Variants in JAK3 observed in about 807,000 individuals in gnomAD.
The protein encoded by JAK3 is Janus kinase 3.
A neutral mutation model predicts 120.8 loss-of-function variants in JAK3; 88 were observed. The observed-to-expected ratio is 0.73, with a 90% CI of 0.61 to 0.87. The LOEUF (loss-of-function observed/expected upper bound fraction) is 0.87, where lower values mean the gene tolerates loss of function less well. Ranked by LOEUF, JAK3 falls within the 40% of genes least tolerant of loss-of-function variation. The pLI is 0.00. For missense variants in JAK3, 1,254 were observed against 1,501.4 expected (o/e 0.84, Z 2.72); for synonymous variants, 592 against 628.6 (o/e 0.94, Z 0.87).
At chr19:17,830,059 C>G in intron 23 of JAK3, 49 bp downstream of exon 23, 3 of 1,400,350 alleles carry the variant, frequency 2.1e-6, no homozygotes, top group Non-Finnish European at 3.0e-6. Context: ...CCCGAGACCC[C>G]GGCCCAATCT....
At position 17,831,565 on chromosome 19, in the gene JAK3, G is replaced by A. The variant is rs1045610119; in HGVS notation, c.2805+109C>T. 7 of 1,504,654 alleles carry A rather than the reference G, an allele frequency of 4.7e-6. No individual in the cohort carries two copies. Among genetic ancestry groups the A allele is most frequent in the Non-Finnish European group, 6.2e-6 (7 of 1,121,068 alleles). The allele number at this position is 1,504,654 out of a possible 1,614,324, so 93.2% of individuals were successfully genotyped here. On this transcript the variant is annotated intron_variant, in intron 20 of 23. Transcript: ENST00000458235. This position sits in a 1 kb window ranked among gnomAD's most constrained non-coding sequence, Gnocchi z 5.1. ...GCCCTAAGCCAACCCCACCACTCCC[G>A]AGACCTGGACCCCAAACCACTCCTC...
At position 17,835,160 on chromosome 19, in the gene JAK3, C is replaced by A. The variant is rs758959409; in HGVS notation, c.1970G>T (p.Arg657Leu). The A allele has an allele frequency of 6.2e-7, 1 of 1,614,228 alleles. No homozygotes were observed. The highest frequency in any genetic ancestry group is 8.5e-7 in the Non-Finnish European group (1 of 1,180,046). The part of the protein sequence containing the change: ...NVSARKVLLA[R>L]EGADGSPPFI... The stretch of plus-strand genomic sequence containing the variant: ...GGGCGGGCTCCCATCAGCCCCCTCC[C>A]GAGCCAGGAGCACCTTCCGGGCAGA... The change falls in exon 15 of 24, where the codon CGG (arginine) becomes CTG (leucine). Residue 657 changes from arginine (R) to leucine (L), a missense_variant. By Grantham distance (102) the Arg-to-Leu change is moderately radical. Coordinates refer to ENST00000458235, the MANE Select transcript of JAK3 (RefSeq NM_000215.4).
At chr19:17,839,738 CTTTTTTTTTTTTTTT>C in intron 9 of JAK3, 75 bp from the exon 10 acceptor site, 2 of 795,748 alleles carry the variant, frequency 2.5e-6, no homozygotes, top group Non-Finnish European at 3.8e-6. Context: ...CCTTTTTTTT[CTTTTTTTTTTTTTTT>C]TTTTGGAGAC....
At position 17,844,159 on chromosome 19, in the gene JAK3, C is replaced by A. The variant is rs749920744; in HGVS notation, c.184+75G>T. ...CTCCGATGCTGACTTCTGCAGGCAA[C>A]TATTCCAGCTTCCAATCTTGGCCCC... is the stretch of plus-strand genomic sequence containing the variant. On this transcript the variant is annotated intron_variant, in intron 2 of 23. Transcript: ENST00000458235. 3 of 1,448,938 alleles carry A rather than the reference C, an allele frequency of 2.1e-6. No homozygotes were observed. The East Asian group carries it at 7.4e-5, about 36-fold the overall frequency. 89.8% of individuals were successfully genotyped at this position (1,448,938 alleles called of 1,614,324 possible). A position where few individuals can be genotyped will look rare whatever the true frequency, so the allele number is the denominator to read the frequency against.
At chr19:17,837,279 T>G in intron 12 of JAK3, 66 bp from the exon 13 acceptor site, 1 of 1,338,140 alleles carries the variant, frequency 7.5e-7, no homozygotes, top group Non-Finnish European at 1.0e-6. Context: ...CCAAATTTTG[T>G]GCTCACAGAC....
chr19:17,840,462 C>G lies in JAK3; in HGVS notation c.1143-121G>C, dbSNP rs1037104552. 5.6e-6 allele frequency: 4 copies of G among 716,444 alleles called. No homozygotes were observed. In the Admixed American group the frequency reaches 6.6e-5, roughly 12 times the overall value. The allele number at this position is 716,444 out of a possible 1,614,324, so 44.4% of individuals were successfully genotyped here. A position where few individuals can be genotyped will look rare whatever the true frequency, so the allele number is the denominator to read the frequency against. On this transcript the variant is annotated intron_variant, in intron 8 of 23. Transcript: ENST00000458235. ...TCCTTGCCAGGTGACACCCTCCCCC[C>G]ATTTATAAAATCAGCCATGGGCCAG...
At position 17,842,094 on chromosome 19, in the gene JAK3, C is replaced by T. The variant is rs1202799380; in HGVS notation, c.861+222G>A. Among the ~76,000 whole-genome samples, 5 of 151,996 alleles carry T rather than the reference C, an allele frequency of 3.3e-5. No individual in the cohort carries two copies. Among genetic ancestry groups the T allele is most frequent in the African/African-American group, 4.8e-5 (2 of 41,380 alleles). Reference sequence around the variant, plus strand: ...GCGCCCACCCACCCACTCCTCAACCCCTCCCATTTTCATTCCCGGGTCGCT... The same window carrying T: ...GCGCCCACCCACCCACTCCTCAACCTCTCCCATTTTCATTCCCGGGTCGCT... On this transcript the variant is annotated intron_variant, in intron 6 of 23. Transcript: ENST00000458235. The surrounding 1 kb of genome is among the most constrained non-coding windows in gnomAD (Gnocchi z 6.4).
In JAK3 at chr19:17,831,385, C is replaced by A; in HGVS notation, c.2821G>T (p.Gly941Cys). ...TCGCGGTGCACGCAGCGGCGGGAGC[C>A]CAGGTACTCCATGCCCTGCGGGCGG... ...SQICKGMEYL[G>C]SRRCVHRDLA... The change falls in exon 21 of 24, where the codon GGC becomes TGC. Residue 941 changes from glycine (G) to cysteine (C), a missense_variant. By Grantham distance (159) the Gly-to-Cys change is radical. Transcript: ENST00000458235. This position sits in a 1 kb window ranked among gnomAD's most constrained non-coding sequence, Gnocchi z 5.1. 6.2e-7 allele frequency: 1 copy of A among 1,605,026 alleles called. No homozygotes were observed. The highest frequency in any genetic ancestry group is 8.5e-7 in the Non-Finnish European group (1 of 1,179,754).
Position 17,831,105 on chromosome 19 carries a change from T to G in JAK3, c.2978+123A>C. On this transcript the variant is annotated intron_variant, in intron 21 of 23. Transcript: ENST00000458235. The surrounding 1 kb of genome is among the most constrained non-coding windows in gnomAD (Gnocchi z 5.1). ...TCTGGGGAGTGGGAGGGGCCAAAGC[T>G]GCAGCGGAGGAAGGGCGGGGCTAAG... 1.0e-6 allele frequency: 1 copy of G among 986,978 alleles called. No homozygotes were observed. The highest frequency in any genetic ancestry group is 1.4e-6 in the Non-Finnish European group (1 of 695,910). 61.1% of individuals were successfully genotyped at this position (986,978 alleles called of 1,614,324 possible).
intron 17 of JAK3, 53 bp downstream of exon 17, chr19:17,834,518 T>G: frequency 6.2e-7 from 1 of 1,610,186 alleles, no homozygotes. Flanking sequence ...CTCCTTCCAC[T>G]GGGCCCAATA....
At chr19:17,847,724 C>T (rs897239322) in intron 1 of JAK3, among the ~76,000 whole-genome samples, 3 of 152,162 alleles carry the variant, frequency 2.0e-5, no homozygotes, top group Non-Finnish European at 4.4e-5. Flanking sequence ...TCCAGGTCCG[C>T]AAGGCAGGCA....
rs1042010997 is a variant in JAK3 at position 17,841,002 on chromosome 19, G to C, written c.1142+387C>G. Among the ~76,000 whole-genome samples the C allele has an allele frequency of 8.6e-5, 13 of 151,654 alleles. No individual in the cohort carries two copies. The highest frequency in any genetic ancestry group is 3.1e-4 in the African/African-American group (13 of 41,278). On this transcript the variant is annotated intron_variant, in intron 8 of 23. Transcript: ENST00000458235. This position sits in a 1 kb window ranked among gnomAD's most constrained non-coding sequence, Gnocchi z 4.1. ...AGCTATTTTTTTTTCTTTTTTTGTA[G>C]AGATGGGGTCTCTCCTGTTGCCTAG...
rs201869359 is a variant in JAK3 at position 17,832,569 on chromosome 19, G to A, written c.2630C>T (p.Ala877Val). ...DFQREIQILK[A>V]LHSDFIVKYR... is the part of the protein sequence containing the mutation. ...CTTGACAATGAAATCACTGTGCAGT[G>A]CTTTGAGGATCTGAATCTCCCGCTG... The change falls in exon 19 of 24, where the codon GCA (alanine) becomes GTA (valine). Residue 877 changes from alanine (A) to valine (V), a missense_variant. By Grantham distance (64) the Ala-to-Val change is moderately conservative (BLOSUM62 0). This residue lies in a region of JAK3 where 630 missense variants were observed against 819.8 expected (regional missense o/e 0.77). Transcript: ENST00000458235. This position sits in a 1 kb window ranked among gnomAD's most constrained non-coding sequence, Gnocchi z 4.7. The A allele has an allele frequency of 4.7e-5, 76 of 1,614,134 alleles. No homozygotes were observed. The highest frequency in any genetic ancestry group is 6.2e-5 in the Non-Finnish European group (73 of 1,180,062).
chr19:17,832,776 C>A lies in JAK3; in HGVS notation c.2490+14G>T. On this transcript the variant is annotated intron_variant, in intron 18 of 23. Transcript: ENST00000458235. The surrounding 1 kb of genome is among the most constrained non-coding windows in gnomAD (Gnocchi z 4.7). ...CCTGCCCTCTCCAACCCACCCTGGC[C>A]CTGCCCACCTTACCTTGCCCAGCTG... is the stretch of plus-strand genomic sequence containing the variant. 1 of 1,614,254 alleles carries A rather than the reference C, an allele frequency of 6.2e-7. No individual in the cohort carries two copies. Among genetic ancestry groups the A allele is most frequent in the South Asian group, 1.1e-5 (1 of 91,088 alleles).
rs760715844 is a variant in JAK3 at position 17,843,903 on chromosome 19, A to G, written c.185-3T>C. On this transcript the variant is annotated splice_region_variant and splice_polypyrimidine_tract_variant and intron_variant, in intron 2 of 23. Transcript: ENST00000458235. The surrounding 1 kb of genome is among the most constrained non-coding windows in gnomAD (Gnocchi z 5.4). The stretch of plus-strand genomic sequence containing the variant: ...GGAGTGGTACACAGGCAGGATGCCT[A>G]CAGGGGATGGTCCCATCAGCTCCCT... The G allele has an allele frequency of 1.2e-6, 2 of 1,613,502 alleles. No homozygotes were observed. The highest frequency in any genetic ancestry group is 2.7e-5 in the African/African-American group (2 of 74,900).
At position 17,831,625 on chromosome 19, in the gene JAK3, C is replaced by T. The variant is rs1198102215; in HGVS notation, c.2805+49G>A. ...CGCGACCTCCAAGCAGACCCCTGCC[C>T]AGGCCGTGCCAGCTGAATCCCCACA... On this transcript the variant is annotated intron_variant, in intron 20 of 23. Coordinates refer to ENST00000458235, the MANE Select transcript of JAK3 (RefSeq NM_000215.4). This position sits in a 1 kb window ranked among gnomAD's most constrained non-coding sequence, Gnocchi z 5.1. 5.7e-6 allele frequency: 9 copies of T among 1,583,110 alleles called. No homozygotes were observed. Among genetic ancestry groups the T allele is most frequent in the Non-Finnish European group, 7.7e-6 (9 of 1,166,734 alleles).
chr19:17,847,625 C>A (rs1208308917), intron 1 of JAK3, among the ~76,000 whole-genome samples: 1 of 152,156 alleles, frequency 6.6e-6, no homozygotes, highest in African/African-American at 2.4e-5. Flanking sequence ...AGGGTAGGGG[C>A]TGGGAACTCC....
rs984743375 is a variant in JAK3, at chr19:17,825,330, G to A, written c.*1413C>T. The A allele has an allele frequency of 4.0e-5, 9 of 227,034 alleles. No homozygotes were observed. The highest frequency in any genetic ancestry group is 3.6e-4 in the South Asian group (2 of 5,484). 14.1% of individuals were successfully genotyped at this position (227,034 alleles called of 1,614,324 possible). A position where few individuals can be genotyped will look rare whatever the true frequency, so the allele number is the denominator to read the frequency against. On this transcript the variant is annotated 3_prime_UTR_variant, in exon 24 of 24. Coordinates refer to ENST00000458235, the MANE Select transcript of JAK3 (RefSeq NM_000215.4). ...GAATGCCTTTCCTTCCCTTGATTGC[G>A]TGAAAAGTTCCTGCCAGGTTTGGTG...
rs1317917478 is a variant in JAK3 at position 17,841,339 on chromosome 19, G to A, written c.1142+50C>T. 4.6e-6 allele frequency: 7 copies of A among 1,524,828 alleles called. No homozygotes were observed. Among genetic ancestry groups the A allele is most frequent in the Non-Finnish European group, 5.3e-6 (6 of 1,136,206 alleles). 94.5% of individuals were successfully genotyped at this position (1,524,828 alleles called of 1,614,324 possible). On this transcript the variant is annotated intron_variant, in intron 8 of 23. Coordinates refer to ENST00000458235, the MANE Select transcript of JAK3 (RefSeq NM_000215.4). The surrounding 1 kb of genome is among the most constrained non-coding windows in gnomAD (Gnocchi z 4.1). The stretch of plus-strand genomic sequence containing the variant: ...GAGGACACTGAGGCATAGAGAAGGG[G>A]AGGGGCCCTGAGTGGCCACAGAGGC...
Sources: gnomAD v4.1 joint callset for allele counts (sites outside exome capture counted in the v4.1 genomes callset) on GRCh38, gnomAD v4.1.1 for gene constraint, gnomAD v4.1.1 regional missense constraint, Gnocchi (gnomAD v3.1) non-coding constraint, MANE v1.5 for transcripts, NCBI Gene and HGNC (gene_info 2026-07-23, HGNC 2026-07-21) for gene names.